Variants in WDPCP observed in about 807,000 individuals in gnomAD.
WDPCP encodes the protein WD repeat containing planar cell polarity effector, also known as WD repeat-containing and planar cell polarity effector protein fritz homolog.
In WDPCP, 71 loss-of-function variants were observed where a neutral mutation model predicts 93.1. That is an observed-to-expected ratio of 0.76 (90% CI 0.63 to 0.93). The LOEUF is 0.93. WDPCP is among the 40% of genes least tolerant of loss of function. The probability of loss-of-function intolerance (pLI) is 0.00; values close to 1 mark genes in which losing one functional copy is unlikely to be tolerated. For missense variants in WDPCP, 844 were observed against 887.4 expected (o/e 0.95, Z 0.62); for synonymous variants, 315 against 315.0 (o/e 1.00, Z 0.00).
At chr2:63,279,120 C>A (rs1412112562) in intron 13 of WDPCP, among the ~76,000 whole-genome samples, 1 of 152,014 alleles carries the variant, frequency 6.6e-6, no homozygotes. Context: ...GGAATCCTCC[C>A]TAAATCATTC....
intron 2 of WDPCP, among the ~76,000 whole-genome samples, chr2:63,763,653 A>G (rs544048716): frequency 2.6e-5 from 4 of 152,170 alleles, no homozygotes; most frequent in Non-Finnish European, 4.4e-5. Flanking sequence ...TATATTCGGA[A>G]ATGTAGCACA....
At chr2:63,680,201 G>A (rs879139516) in intron 2 of WDPCP, among the ~76,000 whole-genome samples, 1 of 152,208 alleles carries the variant, frequency 6.6e-6, no homozygotes, top group Non-Finnish European at 1.5e-5. Context: ...AAGCATTGTC[G>A]TAAGAACCAA....
intron 2 of WDPCP, among the ~76,000 whole-genome samples, chr2:63,781,895 A>T (rs1291963839): frequency 6.6e-6 from 1 of 152,164 alleles, no homozygotes; most frequent in Non-Finnish European, 1.5e-5. Flanking sequence ...GTGGGCACCT[A>T]ATCTGAAGCA....
intron 12 of WDPCP, among the ~76,000 whole-genome samples, chr2:63,351,011 T>C (rs1228626141): frequency 2.6e-5 from 4 of 151,676 alleles, no homozygotes; most frequent in Non-Finnish European, 5.9e-5. Context: ...AGATGGAGTC[T>C]CACTCTGTTG....
intron 13 of WDPCP, among the ~76,000 whole-genome samples, chr2:63,294,319 C>T (rs951926860): frequency 0.02 from 1 of 50 alleles, no homozygotes; most frequent in Non-Finnish European, 0.038. Context: ...GTCTGGCCAA[C>T]AGGGGAAACC....
intron 2 of WDPCP, among the ~76,000 whole-genome samples, chr2:63,689,709 A>C (rs975507583): frequency 2.0e-5 from 3 of 152,186 alleles, no homozygotes; most frequent in Non-Finnish European, 4.4e-5. Context: ...ACATTTCCTC[A>C]TCATCCTCTC....
At chr2:63,406,979 C>T (rs1005067063) in intron 9 of WDPCP, among the ~76,000 whole-genome samples, 3 of 152,066 alleles carry the variant, frequency 2.0e-5, no homozygotes, top group Non-Finnish European at 4.4e-5. Context: ...ATTCAGTATG[C>T]CAAAAATGCC....
intron 12 of WDPCP, among the ~76,000 whole-genome samples, chr2:63,362,505 A>G (rs186636132): frequency 6.7e-4 from 102 of 152,210 alleles, no homozygotes; most frequent in African/African-American, 2.4e-3. Context: ...AATTATGTTA[A>G]TAATACTGGT....
At chr2:63,315,046 G>T (rs1559313410) in intron 12 of WDPCP, among the ~76,000 whole-genome samples, 1 of 152,110 alleles carries the variant, frequency 6.6e-6, no homozygotes, top group Non-Finnish European at 1.5e-5. Context: ...AACAAAAGGA[G>T]ACTCCCAACT....
chr2:63,595,607 G>C lies in WDPCP; in HGVS notation n.488+55052C>G, dbSNP rs1709295720. On this transcript the variant is annotated intron_variant and non_coding_transcript_variant, in intron 3 of 4. Transcript: ENST00000467687. Reference sequence around the variant, plus strand: ...GGTTTTTGTTAAAGGCTCTCAATTAGAAATTATTTCATAAGAGGATTTTTT... The same window carrying C: ...GGTTTTTGTTAAAGGCTCTCAATTACAAATTATTTCATAAGAGGATTTTTT... The C allele has an allele frequency of 1.2e-5, 9 of 773,130 alleles. No individual in the cohort carries two copies. The South Asian group carries it at 1.4e-4, about 12-fold the overall frequency. 47.9% of individuals were successfully genotyped at this position (773,130 alleles called of 1,614,324 possible).
chr2:63,178,702 T>A (rs1674003874), intron 14 of WDPCP, among the ~76,000 whole-genome samples: 1 of 152,198 alleles, frequency 6.6e-6, no homozygotes, highest in South Asian at 2.1e-4. Flanking sequence ...ATTCTGTATT[T>A]CATTGATCTT....
chr2:63,404,231 C>G lies in WDPCP; in HGVS notation c.1252G>C (p.Glu418Gln). Residue 418 changes from glutamate to glutamine, a missense_variant, in exon 10 of 18, where the codon GAA becomes CAA. By Grantham distance (29) the Glu-to-Gln change is conservative. Transcript: ENST00000272321. ...AGAGTCTCCCTGGGTAAGCGGTCTT[C>G]AGCCAACAGTTGGATGTTAATAGGG... is the stretch of plus-strand genomic sequence containing the variant. ...LSPINIQLLA[E>Q]DRLPRETLQF... is the part of the protein sequence containing the mutation. 6.2e-7 allele frequency: 1 copy of G among 1,613,690 alleles called. No homozygotes were observed. The highest frequency in any genetic ancestry group is 8.5e-7 in the Non-Finnish European group (1 of 1,179,732).
chr2:63,322,079 T>C (rs1369272105), intron 12 of WDPCP, among the ~76,000 whole-genome samples: 3 of 152,182 alleles, frequency 2.0e-5, no homozygotes, highest in Non-Finnish European at 4.4e-5. Context: ...TAAAGAATTG[T>C]AAATGCACCA....
intron 15 of WDPCP, among the ~76,000 whole-genome samples, chr2:63,168,427 T>C (rs1673152150): frequency 6.6e-6 from 1 of 152,214 alleles, no homozygotes; most frequent in African/African-American, 2.4e-5. Flanking sequence ...GATGTATGTC[T>C]TTCTTACAGT....
At chr2:63,245,040 T>C (rs535951668) in intron 14 of WDPCP, among the ~76,000 whole-genome samples, 1 of 152,298 alleles carries the variant, frequency 6.6e-6, no homozygotes, top group Non-Finnish European at 1.5e-5. Context: ...AAATTCTACA[T>C]CTGACCGCCT....
At chr2:63,381,445 T>A (rs1055565360) in intron 11 of WDPCP, among the ~76,000 whole-genome samples, 1 of 152,038 alleles carries the variant, frequency 6.6e-6, no homozygotes, top group Non-Finnish European at 1.5e-5. Flanking sequence ...TGGGCTACAA[T>A]TCAGATATAC....
intron 6 of WDPCP, among the ~76,000 whole-genome samples, chr2:63,447,467 A>T (rs1697945410): frequency 6.6e-6 from 1 of 152,184 alleles, no homozygotes; most frequent in Non-Finnish European, 1.5e-5. Context: ...GGTTTTAAAG[A>T]GATGCTAGAA....
At chr2:63,123,902 CTTTTCT>C (rs1013243606) in intron 17 of WDPCP, among the ~76,000 whole-genome samples, 6 of 147,322 alleles carry the variant, frequency 4.1e-5, no homozygotes, top group African/African-American at 9.9e-5. Context: ...TGTATCTTTT[CTTTTCT>C]TTTTTTTTTT....
chr2:63,805,019 C>A (rs1670744045), intron 2 of WDPCP, among the ~76,000 whole-genome samples: 1 of 151,872 alleles, frequency 6.6e-6, no homozygotes, highest in East Asian at 1.9e-4. Context: ...AAGAGTGAAA[C>A]TCCATTTCAA....
Sources: gnomAD v4.1 joint callset for allele counts (sites outside exome capture counted in the v4.1 genomes callset) on GRCh38, gnomAD v4.1.1 for gene constraint, MANE v1.5 for transcripts, NCBI Gene and HGNC (gene_info 2026-07-23, HGNC 2026-07-21) for gene names.